TMEM87A: variants seen among roughly 807,000 people sequenced by gnomAD.
TMEM87A encodes the protein Golgi-pH regulating cation channel.
In TMEM87A, 50 loss-of-function variants were observed where a neutral mutation model predicts 90.0. The observed-to-expected ratio is 0.56, with a 90% CI of 0.44 to 0.70. The LOEUF (loss-of-function observed/expected upper bound fraction) is 0.70, where lower values mean the gene tolerates loss of function less well. Among genes scored for constraint, TMEM87A ranks in the 30% least tolerant of loss-of-function variants. TMEM87A has a pLI of 0.00. For synonymous variants in TMEM87A, 226 were observed against 226.7 expected, an observed-to-expected ratio of 1.00 and a Z score of 0.03; for missense variants, 577 against 660.5, an observed-to-expected ratio of 0.87 and a Z score of 1.39.
chr15:42,269,872 C>G (rs1447654673), intron 2 of TMEM87A, among the ~76,000 whole-genome samples: 3 of 128,654 alleles, frequency 2.3e-5, no homozygotes, highest in African/African-American at 8.7e-5. Flanking sequence ...GGAAGCGGAG[C>G]TTGCAGTGAG....
chr15:42,239,951 C>T (rs1417875310), intron 7 of TMEM87A, among the ~76,000 whole-genome samples: 1 of 152,164 alleles, frequency 6.6e-6, no homozygotes, highest in African/African-American at 2.4e-5. Context: ...TCCATGCCTC[C>T]ACCATAGTCT....
chr15:42,259,075 G>C, intron 6 of TMEM87A: 1 of 689,684 alleles, frequency 1.4e-6, no homozygotes, highest in Non-Finnish European at 2.6e-6. Context: ...CAAAGTCCCT[G>C]AAACTGTTAA....
At chr15:42,270,204 C>G (rs2051490891) in intron 2 of TMEM87A, among the ~76,000 whole-genome samples, 1 of 151,940 alleles carries the variant, frequency 6.6e-6, no homozygotes, top group African/African-American at 2.4e-5. Flanking sequence ...ACCCCCACCT[C>G]TGCTAAAAAT....
Position 42,261,148 on chromosome 15 carries a change from A to G in TMEM87A, c.459+48T>C, listed in dbSNP as rs753074479. The G allele has an allele frequency of 1.9e-6, 3 of 1,596,312 alleles. No individual in the cohort carries two copies. The African/African-American group carries it at 4.0e-5, about 21-fold the overall frequency. ...AGTGAGCACGGGTATCTCCTGCACC[A>G]CCAAAGTTTTTACTGCACTCTCAGA... On this transcript the variant is annotated intron_variant, in intron 5 of 19. Transcript: ENST00000389834.
chr15:42,250,286 T>C (rs917266883), intron 6 of TMEM87A, among the ~76,000 whole-genome samples: 7 of 152,236 alleles, frequency 4.6e-5, no homozygotes, highest in Non-Finnish European at 8.8e-5. Context: ...AATATTGTTA[T>C]GTGTGAATTT....
chr15:42,225,634 C>A (rs750573845), intron 15 of TMEM87A, among the ~76,000 whole-genome samples: 2 of 152,108 alleles, frequency 1.3e-5, no homozygotes, highest in Non-Finnish European at 1.5e-5. Flanking sequence ...CGGGTTCAAG[C>A]GATTCTTGTG....
Position 42,248,677 on chromosome 15 carries a change from C to T in TMEM87A, c.505-4510G>A, listed in dbSNP as rs7164115. Among the ~76,000 whole-genome samples, 405 of 152,198 alleles carry T rather than the reference C, an allele frequency of 2.7e-3. 1 individual carries two copies. The highest frequency in any genetic ancestry group is 9.3e-3 in the African/African-American group (386 of 41,532). On this transcript the variant is annotated intron_variant, in intron 6 of 19. Coordinates refer to ENST00000389834, the MANE Select transcript of TMEM87A (RefSeq NM_015497.5). Reference sequence around the variant, plus strand: ...ATGCTTTTTGATGTGCTGCTGGATTCGGTTTGCAAGTATTTTATTGAGGAT... The same window carrying T: ...ATGCTTTTTGATGTGCTGCTGGATTTGGTTTGCAAGTATTTTATTGAGGAT...
rs10681614 is a variant in TMEM87A, at chr15:42,264,699, A to ATATATATATATATATATATATT, written c.292-497_292-496insAATATATATATATATATATATA. ...TATGTGTGTGTATATATATATATAT[A>ATATATATATATATATATATATT]TTTTTTTTTTAACTTTTATTTTAGG... is the stretch of plus-strand genomic sequence containing the variant. On this transcript the variant is annotated intron_variant, in intron 3 of 19. Coordinates refer to ENST00000389834, the MANE Select transcript of TMEM87A (RefSeq NM_015497.5). Among the ~76,000 whole-genome samples the ATATATATATATATATATATATT allele has an allele frequency of 7.1e-4, 78 of 109,400 alleles. 1 individual carries two copies. The highest frequency in any genetic ancestry group is 2.4e-3 in the African/African-American group (77 of 32,484). The allele number at this position is 109,400 out of a possible 152,430, so 71.8% of individuals were successfully genotyped here.
At chr15:42,220,182 A>C (rs1418751083) in intron 15 of TMEM87A, 47 bp from the exon 16 acceptor site, 10 of 1,422,928 alleles carry the variant, frequency 7.0e-6, no homozygotes, top group Non-Finnish European at 9.7e-6. Context: ...AAAACTTCAA[A>C]AACTGCTATA....
chr15:42,243,924 G>T, intron 7 of TMEM87A, 126 bp downstream of exon 7: 1 of 527,196 alleles, frequency 1.9e-6, no homozygotes. Flanking sequence ...AATTTTAACA[G>T]CAGGAGTGTC....
intron 6 of TMEM87A, among the ~76,000 whole-genome samples, chr15:42,259,604 G>C (rs2051251275): frequency 6.6e-6 from 1 of 152,158 alleles, no homozygotes; most frequent in South Asian, 2.1e-4. Flanking sequence ...AGGCTATTAA[G>C]AGGCTGATTG....
At chr15:42,268,667 A>G (rs1384669869) in intron 2 of TMEM87A, among the ~76,000 whole-genome samples, 2 of 147,936 alleles carry the variant, frequency 1.4e-5, no homozygotes, top group African/African-American at 5.3e-5. Context: ...ACCCTGTCTC[A>G]AAAAACATAA....
intron 15 of TMEM87A, among the ~76,000 whole-genome samples, chr15:42,222,131 G>A (rs2050499505): frequency 6.6e-6 from 1 of 152,102 alleles, no homozygotes; most frequent in Non-Finnish European, 1.5e-5. Flanking sequence ...CGCGATCTCA[G>A]CTCACAGCAA....
In TMEM87A at chr15:42,264,024, A is replaced by G. The variant is rs1055874097; in HGVS notation, c.405+66T>C. ...TACTTGAGAAGTCGGAAGTGGATAC[A>G]GCCAAAAATATATACATTCCAATTT... On this transcript the variant is annotated intron_variant, in intron 4 of 19. Transcript: ENST00000389834. The G allele has an allele frequency of 5.4e-6, 7 of 1,305,480 alleles. No individual in the cohort carries two copies. In the African/African-American group the frequency reaches 7.4e-5, roughly 14 times the overall value. The allele number at this position is 1,305,480 out of a possible 1,614,324, so 80.9% of individuals were successfully genotyped here.
At chr15:42,270,931 A>AT (rs2051510260) in intron 2 of TMEM87A, among the ~76,000 whole-genome samples, 1 of 152,238 alleles carries the variant, frequency 6.6e-6, no homozygotes, top group African/African-American at 2.4e-5. Context: ...CCCACAGTCT[A>AT]TGCAATAAGT....
intron 2 of TMEM87A, among the ~76,000 whole-genome samples, chr15:42,270,767 G>C (rs780080043): frequency 2.4e-4 from 36 of 152,184 alleles, no homozygotes; most frequent in Non-Finnish European, 5.0e-4. Context: ...CAGTGTCAGA[G>C]TAGATTTGAT....
chr15:42,264,264 C>T, intron 3 of TMEM87A, 61 bp from the exon 4 acceptor site: 1 of 1,137,758 alleles, frequency 8.8e-7, no homozygotes, highest in Non-Finnish European at 1.3e-6. Context: ...ATACTAAGAG[C>T]ACAGCACAAC....
chr15:42,218,448 G>T, intron 17 of TMEM87A, 70 bp from the exon 18 acceptor site: 1 of 1,450,374 alleles, frequency 6.9e-7, no homozygotes, highest in Non-Finnish European at 9.5e-7. Context: ...GGACATGAAG[G>T]TCTTAAAACT....
At chr15:42,213,964 C>A (rs972731561) in intron 19 of TMEM87A, among the ~76,000 whole-genome samples, 2 of 152,130 alleles carry the variant, frequency 1.3e-5, no homozygotes, top group Middle Eastern at 3.4e-3. Flanking sequence ...AGATGTTCAA[C>A]GAACTCAGGA....
Sources: allele counts gnomAD v4.1 joint callset (sites outside exome capture counted in the v4.1 genomes callset), GRCh38; gene constraint gnomAD v4.1.1; transcripts MANE v1.5; gene names NCBI Gene and HGNC (gene_info 2026-07-23, HGNC 2026-07-21).